The following CALM2 variants were observed in gnomAD, a reference collection of about 807,000 sequenced individuals.
CALM2 encodes calmodulin 2.
Under a neutral mutation model 19.8 loss-of-function variants are expected in CALM2, and 2 were observed. The observed-to-expected ratio is 0.10, with a 90% CI of 0.04 to 0.32. The LOEUF (loss-of-function observed/expected upper bound fraction) is 0.32, where lower values mean the gene tolerates loss of function less well. Among genes scored for constraint, CALM2 ranks in the 10% least tolerant of loss-of-function variants. The pLI, the probability that CALM2 is intolerant of heterozygous loss-of-function variation, is 1.00. For missense variants in CALM2, 38 were observed against 178.7 expected, an observed-to-expected ratio of 0.21 and a Z score of 4.49; for synonymous variants, 51 against 52.1, an observed-to-expected ratio of 0.98 and a Z score of 0.09.
chr2:47,165,651 T>C (rs924960057), intron 2 of CALM2, among the ~76,000 whole-genome samples: 5 of 152,206 alleles, frequency 3.3e-5, no homozygotes, highest in Non-Finnish European at 5.9e-5. Flanking sequence ...ATCCTTTTTT[T>C]CCACTCCTTG....
At chr2:47,173,956 G>A (rs1303973890) in intron 1 of CALM2, 1 of 152,152 alleles carries the variant, frequency 6.6e-6, no homozygotes, top group Non-Finnish European at 1.5e-5. Context: ...TATTACTAAA[G>A]GCCTAAATTC....
Position 47,176,495 on chromosome 2 carries a change from C to T in CALM2, c.-52G>A, listed in dbSNP as rs760182163. 2.5e-6 allele frequency: 4 copies of T among 1,611,276 alleles called. No individual in the cohort carries two copies. The highest frequency in any genetic ancestry group is 3.4e-6 in the Non-Finnish European group (4 of 1,178,988). ...CGCGACCACACAACCACTCAGCTCG[C>T]TCTCTCCACTCGGACTAATTCGCCT... On this transcript the variant is annotated 5_prime_UTR_variant, in exon 1 of 6. Transcript: ENST00000272298.
At chr2:47,172,551 G>A (rs191426488) in intron 1 of CALM2, 4 of 1,006,498 alleles carry the variant, frequency 4.0e-6, no homozygotes, top group Middle Eastern at 3.6e-4. Flanking sequence ...TTTCCACACC[G>A]AATGTAGACA....
chr2:47,175,362 G>C (rs898491576), intron 1 of CALM2, among the ~76,000 whole-genome samples: 1 of 152,038 alleles, frequency 6.6e-6, no homozygotes, highest in Non-Finnish European at 1.5e-5. Context: ...AATAGGGACA[G>C]GGGCTCTTCA....
intron 2 of CALM2, among the ~76,000 whole-genome samples, chr2:47,168,211 C>T (rs1259652220): frequency 6.6e-6 from 1 of 152,150 alleles, no homozygotes; most frequent in African/African-American, 2.4e-5. Context: ...TTTGGTTCCT[C>T]TGCCCTAAAT....
intron 2 of CALM2, among the ~76,000 whole-genome samples, chr2:47,166,204 G>A (rs191419654): frequency 3.0e-4 from 46 of 152,248 alleles, no homozygotes; most frequent in African/African-American, 1.0e-3. Context: ...ACAGAATGTA[G>A]AAATATCTAG....
chr2:47,167,814 C>CTTTTTT lies in CALM2; in HGVS notation c.34+2919_34+2920insAAAAAA. On this transcript the variant is annotated intron_variant, in intron 2 of 5. Coordinates refer to ENST00000272298, the MANE Select transcript of CALM2 (RefSeq NM_001743.6). The stretch of plus-strand genomic sequence containing the variant: ...AAAAAAAAAAATTTTTTTTTCTTTT[C>CTTTTTT]TTTGAGACAGGGTCTTGCTGTGTTG... 1.1e-3 allele frequency: 110 copies of CTTTTTT among 96,486 alleles called. 21 individuals carry two copies. Among genetic ancestry groups the CTTTTTT allele is most frequent in the African/African-American group, 5.6e-3 (100 of 17,924 alleles). The allele number at this position is 96,486 out of a possible 1,614,324, so 6.0% of individuals were successfully genotyped here.
upstream of CALM2, chr2:47,176,531 C>T (rs752513204): frequency 2.5e-6 from 4 of 1,584,868 alleles, no homozygotes; most frequent in Admixed American, 3.5e-5. Flanking sequence ...CCTCCGCCCC[C>T]AGCGCCTCAT....
intron 1 of CALM2, chr2:47,174,255 ATTTTT>A (rs1164351620): frequency 6.6e-6 from 1 of 151,740 alleles, no homozygotes; most frequent in African/African-American, 2.4e-5. Flanking sequence ...TGGGGTCCTA[ATTTTT>A]TTTATTTTTT....
chr2:47,176,562 T>A (rs1666882238), upstream of CALM2: 5 of 1,553,500 alleles, frequency 3.2e-6, no homozygotes, highest in Non-Finnish European at 4.4e-6. Flanking sequence ...CTCCGCCAGA[T>A]CCCTCCGCCG....
At chr2:47,168,378 C>T (rs974604360) in intron 2 of CALM2, among the ~76,000 whole-genome samples, 1 of 152,100 alleles carries the variant, frequency 6.6e-6, no homozygotes, top group Non-Finnish European at 1.5e-5. Context: ...TAGGATTTAA[C>T]TTAAAGACAA....
intron 1 of CALM2, chr2:47,172,091 G>A (rs1666687711): frequency 6.5e-6 from 1 of 154,600 alleles, no homozygotes; most frequent in African/African-American, 2.4e-5. Flanking sequence ...TATCCCTAAA[G>A]TCCAAATCCT....
At chr2:47,165,527 G>A (rs1266263251) in intron 2 of CALM2, among the ~76,000 whole-genome samples, 5 of 152,098 alleles carry the variant, frequency 3.3e-5, no homozygotes, top group Non-Finnish European at 5.9e-5. Context: ...AAAACTGCAT[G>A]GAAAAACTCT....
intron 2 of CALM2, among the ~76,000 whole-genome samples, chr2:47,166,040 T>C (rs1666458266): frequency 6.6e-6 from 1 of 152,216 alleles, no homozygotes; most frequent in South Asian, 2.1e-4. Context: ...GGAACTCATC[T>C]AATACCAATC....
At chr2:47,171,449 G>A (rs1383503163) in intron 1 of CALM2, 4 of 152,172 alleles carry the variant, frequency 2.6e-5, no homozygotes, top group African/African-American at 9.7e-5. Context: ...CCTTACAGTG[G>A]TATTATCCCC....
chr2:47,164,742 G>A (rs1389296277), intron 2 of CALM2, among the ~76,000 whole-genome samples: 2 of 152,144 alleles, frequency 1.3e-5, no homozygotes, highest in Non-Finnish European at 2.9e-5. Context: ...AATACAAAAA[G>A]TTTCCAAGTT....
At position 47,172,504 on chromosome 2, in the gene CALM2, G is replaced by T. The variant is rs75241553; in HGVS notation, c.4-1740C>A. 1.9e-3 allele frequency: 2,268 copies of T among 1,217,332 alleles called. 39 individuals are homozygous for T. The African/African-American group carries it at 0.031, about 17-fold the overall frequency. 75.4% of individuals were successfully genotyped at this position (1,217,332 alleles called of 1,614,324 possible). ...CCATTATTTCATATAAATTAACAAA[G>T]AACCTACAATGTTAAATATCAACCT... On this transcript the variant is annotated intron_variant, in intron 1 of 5. Coordinates refer to ENST00000272298, the MANE Select transcript of CALM2 (RefSeq NM_001743.6).
Position 47,160,584 on chromosome 2 carries a change from A to G in CALM2, c.*192T>C, listed in dbSNP as rs1309552862. On this transcript the variant is annotated 3_prime_UTR_variant, in exon 6 of 6. Transcript: ENST00000272298. Reference sequence around the variant, plus strand: ...CCACATGCAACATGTTACTTGATCAATTTTCTAAAATAAGGTTTTAGGACA... The same window carrying G: ...CCACATGCAACATGTTACTTGATCAGTTTTCTAAAATAAGGTTTTAGGACA... 7 of 461,780 alleles carry G rather than the reference A, an allele frequency of 1.5e-5. No homozygotes were observed. Among genetic ancestry groups the G allele is most frequent in the Non-Finnish European group, 2.4e-5 (6 of 254,708 alleles). The allele number at this position is 461,780 out of a possible 1,614,324, so 28.6% of individuals were successfully genotyped here. A position where few individuals can be genotyped will look rare whatever the true frequency, so the allele number is the denominator to read the frequency against.
intron 1 of CALM2, among the ~76,000 whole-genome samples, chr2:47,174,618 C>A (rs1199861678): frequency 6.6e-6 from 1 of 151,784 alleles, no homozygotes; most frequent in Non-Finnish European, 1.5e-5. Flanking sequence ...GTGATGCAAA[C>A]AGTAACTACA....
Sources: allele counts gnomAD v4.1 joint callset (sites outside exome capture counted in the v4.1 genomes callset), GRCh38; gene constraint gnomAD v4.1.1; transcripts MANE v1.5; gene names NCBI Gene and HGNC (gene_info 2026-07-23, HGNC 2026-07-21).